Variants in RBFOX1 observed in about 807,000 individuals in gnomAD.
The protein encoded by RBFOX1 is RNA binding fox-1 homolog 1, also known as RNA binding protein fox-1 homolog 1.
Under a neutral mutation model 57.7 loss-of-function variants are expected in RBFOX1, and 8 were observed. The observed-to-expected ratio is 0.14, with a 90% CI of 0.08 to 0.25. RBFOX1 has a LOEUF of 0.25. Among genes scored for constraint, RBFOX1 ranks in the 10% least tolerant of loss-of-function variants. The pLI is 1.00. For missense variants in RBFOX1, 611 were observed against 548.5 expected (o/e 1.11, Z -1.14); for synonymous variants, 326 against 222.4 (o/e 1.47, Z -4.15).
intron 2 of RBFOX1, among the ~76,000 whole-genome samples, chr16:5,483,555 C>T (rs139704039): frequency 0.014 from 2,085 of 152,274 alleles, 34 homozygotes; most frequent in Non-Finnish European, 0.017. Context: ...TCCCAGCCAC[C>T]GTAGCTGTCA....
At chr16:7,069,721 G>A (rs965284858) in intron 4 of RBFOX1, among the ~76,000 whole-genome samples, 1 of 152,066 alleles carries the variant, frequency 6.6e-6, no homozygotes, top group Non-Finnish European at 1.5e-5. Flanking sequence ...GCAGCATCGA[G>A]GTGTGTTCTG....
chr16:5,975,470 A>G (rs1238208646), intron 4 of RBFOX1, among the ~76,000 whole-genome samples: 1 of 152,198 alleles, frequency 6.6e-6, no homozygotes, highest in Non-Finnish European at 1.5e-5. Context: ...TAACTCATAA[A>G]GTTGGGTTGT....
intron 1 of RBFOX1, among the ~76,000 whole-genome samples, chr16:6,192,118 G>A (rs1165448421): frequency 1.3e-5 from 2 of 152,146 alleles, no homozygotes; most frequent in Admixed American, 6.5e-5. Flanking sequence ...TCTCTCCCCT[G>A]TATCAATAAC....
intron 3 of RBFOX1, among the ~76,000 whole-genome samples, chr16:6,672,366 A>G (rs969176281): frequency 8.6e-5 from 13 of 151,410 alleles, no homozygotes; most frequent in African/African-American, 3.2e-4. Flanking sequence ...GAGAGAGAGA[A>G]GAGGGAGAAA....
At chr16:6,210,060 G>A (rs1191492561) in intron 1 of RBFOX1, among the ~76,000 whole-genome samples, 1 of 151,936 alleles carries the variant, frequency 6.6e-6, no homozygotes, top group Non-Finnish European at 1.5e-5. Flanking sequence ...GCTCATGCCT[G>A]TAGTCACAGC....
At chr16:6,521,727 A>T (rs138680058) in intron 2 of RBFOX1, among the ~76,000 whole-genome samples, 1 of 152,140 alleles carries the variant, frequency 6.6e-6, no homozygotes, top group African/African-American at 2.4e-5. Flanking sequence ...AAAAATTGCA[A>T]AATTTCTGGG....
chr16:6,909,481 G>C (rs1368115716), intron 3 of RBFOX1, among the ~76,000 whole-genome samples: 1 of 152,144 alleles, frequency 6.6e-6, no homozygotes, highest in East Asian at 1.9e-4. Flanking sequence ...AGGCATCTTT[G>C]GCATGAGACA....
chr16:6,762,582 C>T (rs548889991), intron 3 of RBFOX1, among the ~76,000 whole-genome samples: 11 of 151,920 alleles, frequency 7.2e-5, no homozygotes, highest in African/African-American at 2.2e-4. Context: ...ATATTTAATT[C>T]TCCTCAAGAA....
chr16:6,551,399 G>T lies in RBFOX1; in HGVS notation c.-63-103204G>T, dbSNP rs1302692062. On this transcript the variant is annotated intron_variant, in intron 2 of 15. Transcript: ENST00000550418. ...CCTAAATTTTCCTGCCTGTAAAATG[G>T]GAATAAAGAGATACTTCACAGAGCT... 3.3e-5 allele frequency among the ~76,000 whole-genome samples: 5 copies of T among 152,118 alleles called. No homozygotes were observed. The South Asian group carries it at 1.0e-3, about 32-fold the overall frequency.
intron 4 of RBFOX1, among the ~76,000 whole-genome samples, chr16:7,152,781 A>C (rs1470184838): frequency 6.6e-6 from 1 of 152,198 alleles, no homozygotes; most frequent in Non-Finnish European, 1.5e-5. Flanking sequence ...ACGATATTTT[A>C]TGTCTAAGCA....
intron 3 of RBFOX1, among the ~76,000 whole-genome samples, chr16:5,624,621 G>A (rs892004889): frequency 6.6e-6 from 1 of 152,248 alleles, no homozygotes; most frequent in Non-Finnish European, 1.5e-5. Flanking sequence ...CAAGGACAGT[G>A]TCTGTGATTG....
intron 9 of RBFOX1, 80 bp from the exon 10 acceptor site, chr16:7,607,205 A>C (rs1055472584): frequency 7.5e-7 from 1 of 1,333,534 alleles, no homozygotes; most frequent in African/African-American, 1.5e-5. Flanking sequence ...ACTTTAACCC[A>C]TTTGATTTGT....
At chr16:5,422,262 G>A (rs1202779877) in intron 1 of RBFOX1, among the ~76,000 whole-genome samples, 2 of 145,016 alleles carry the variant, frequency 1.4e-5, no homozygotes, top group Non-Finnish European at 3.0e-5. Flanking sequence ...GAGGGAGGAG[G>A]AGCAGGGAGA....
intron 2 of RBFOX1, among the ~76,000 whole-genome samples, chr16:6,338,517 CA>C (rs1383673921): frequency 2.6e-5 from 4 of 152,124 alleles, no homozygotes; most frequent in Non-Finnish European, 5.9e-5. Flanking sequence ...ACAGTTCAAG[CA>C]AAAACAAATT....
chr16:5,271,613 C>G (rs1235882551), intron 1 of RBFOX1, among the ~76,000 whole-genome samples: 1 of 152,274 alleles, frequency 6.6e-6, no homozygotes. Flanking sequence ...CTTACTCTCA[C>G]AGCAACGTCC....
chr16:6,367,683 G>A (rs1282214605), intron 2 of RBFOX1, among the ~76,000 whole-genome samples: 1 of 151,744 alleles, frequency 6.6e-6, no homozygotes, highest in African/African-American at 2.4e-5. Flanking sequence ...GCTTTCATAG[G>A]ATGGGAGCCA....
chr16:5,822,394 G>A (rs2055887769), intron 3 of RBFOX1, among the ~76,000 whole-genome samples: 1 of 152,108 alleles, frequency 6.6e-6, no homozygotes, highest in Admixed American at 6.6e-5. Flanking sequence ...ACTTACTCAT[G>A]TAACCAAATA....
chr16:5,805,528 G>C (rs1224221125), intron 3 of RBFOX1, among the ~76,000 whole-genome samples: 2 of 152,202 alleles, frequency 1.3e-5, no homozygotes, highest in East Asian at 3.8e-4. Context: ...GCCAGAAACA[G>C]AAGACATGTA....
intron 3 of RBFOX1, among the ~76,000 whole-genome samples, chr16:5,621,226 C>T (rs55743318): frequency 2.0e-5 from 3 of 151,988 alleles, no homozygotes; most frequent in South Asian, 2.1e-4. Flanking sequence ...ATCTTCCCAC[C>T]TCAACCTCCC....
Sources: gnomAD v4.1 joint callset for allele counts (sites outside exome capture counted in the v4.1 genomes callset) on GRCh38, gnomAD v4.1.1 for gene constraint, MANE v1.5 for transcripts, NCBI Gene and HGNC (gene_info 2026-07-23, HGNC 2026-07-21) for gene names.